The following EPB41L1 variants were observed in gnomAD, a reference collection of about 807,000 sequenced individuals.
The protein encoded by EPB41L1 is band 4.1-like protein 1.
A neutral mutation model predicts 97.8 loss-of-function variants in EPB41L1; 29 were observed. The ratio of observed to expected loss-of-function variants is 0.30; its 90% CI spans 0.22 to 0.40. The LOEUF is 0.40. Among genes scored for constraint, EPB41L1 ranks in the 10% least tolerant of loss-of-function variants. The pLI, the probability that EPB41L1 is intolerant of heterozygous loss-of-function variation, is 1.00. For missense variants in EPB41L1, 812 were observed against 1,162.3 expected (o/e 0.70, Z 4.38); for synonymous variants, 383 against 459.2 (o/e 0.83, Z 2.12).
intron 2 of EPB41L1, among the ~76,000 whole-genome samples, chr20:36,127,052 C>A (rs1217405632): frequency 1.3e-5 from 2 of 152,208 alleles, no homozygotes; most frequent in Non-Finnish European, 2.9e-5. Flanking sequence ...CTAGTGGCAG[C>A]GGGAGGGCCC....
At chr20:36,160,405 G>A (rs957515579) in intron 1 of EPB41L1, among the ~76,000 whole-genome samples, 1 of 152,082 alleles carries the variant, frequency 6.6e-6, no homozygotes, top group African/African-American at 2.4e-5. Context: ...CCAACATGGT[G>A]AAACCCCATT....
chr20:36,182,444 T>C (rs1356653299), intron 6 of EPB41L1, 97 bp downstream of exon 6: 2 of 1,363,230 alleles, frequency 1.5e-6, no homozygotes, highest in Non-Finnish European at 2.1e-6. Flanking sequence ...TGACAGCAGC[T>C]GCAAATGCAG....
At chr20:36,098,895 C>A (rs1445006609) in intron 1 of EPB41L1, among the ~76,000 whole-genome samples, 1 of 152,068 alleles carries the variant, frequency 6.6e-6, no homozygotes, top group Non-Finnish European at 1.5e-5. Context: ...CCGAGGTGGG[C>A]AGATCATCTG....
intron 1 of EPB41L1, among the ~76,000 whole-genome samples, chr20:36,098,274 T>C (rs918254751): frequency 6.6e-6 from 1 of 152,080 alleles, no homozygotes; most frequent in Non-Finnish European, 1.5e-5. Context: ...AAAACAGAGT[T>C]TGAGGGTCCT....
chr20:36,188,259 C>T (rs1220663281), intron 8 of EPB41L1, 88 bp from the exon 9 acceptor site: 7 of 1,568,826 alleles, frequency 4.5e-6, no homozygotes, highest in African/African-American at 4.0e-5. Flanking sequence ...TTACAAGCAG[C>T]GCACAGGGCA....
At chr20:36,168,519 G>A (rs981505316) in intron 1 of EPB41L1, among the ~76,000 whole-genome samples, 9 of 150,600 alleles carry the variant, frequency 6.0e-5, no homozygotes, top group African/African-American at 2.2e-4. Context: ...TTTATTGGGT[G>A]TATACCATGT....
chr20:36,150,070 G>T (rs867996284), upstream of EPB41L1, among the ~76,000 whole-genome samples: 168 of 141,550 alleles, frequency 1.2e-3, no homozygotes, highest in African/African-American at 2.7e-3. Context: ...AGGTTTTTTT[G>T]TTTTTTTTTT....
At chr20:36,218,145 G>C (rs1335384936) in intron 17 of EPB41L1, among the ~76,000 whole-genome samples, 1 of 152,184 alleles carries the variant, frequency 6.6e-6, no homozygotes, top group Non-Finnish European at 1.5e-5. Flanking sequence ...GTTGGACTTG[G>C]AGTCAGACAA....
chr20:36,163,987 G>A (rs1740307930), intron 1 of EPB41L1, among the ~76,000 whole-genome samples: 1 of 152,156 alleles, frequency 6.6e-6, no homozygotes. Context: ...GGGACTACAG[G>A]CGCCTGCCAC....
intron 1 of EPB41L1, among the ~76,000 whole-genome samples, chr20:36,168,042 C>A (rs1266206020): frequency 6.6e-6 from 1 of 152,204 alleles, no homozygotes; most frequent in Non-Finnish European, 1.5e-5. Flanking sequence ...GGTTTCACTG[C>A]CAGGCTGAGT....
chr20:36,105,955 G>C (rs942544235), intron 1 of EPB41L1, among the ~76,000 whole-genome samples: 1 of 152,156 alleles, frequency 6.6e-6, no homozygotes, highest in African/African-American at 2.4e-5. Context: ...CTCCCCAGGG[G>C]GCAGGCTGCC....
rs1195366601 is a variant in EPB41L1, at chr20:36,206,065, C to T, written c.1669-3423C>T. The T allele has an allele frequency of 2.3e-6, 3 of 1,289,758 alleles. No individual in the cohort carries two copies. The highest frequency in any genetic ancestry group is 2.0e-6 in the Non-Finnish European group (2 of 988,892). The allele number at this position is 1,289,758 out of a possible 1,614,324, so 79.9% of individuals were successfully genotyped here. The stretch of plus-strand genomic sequence containing the variant: ...GGGAAACAGAAGAGCAAACACCCAG[C>T]AACAAGGAAAAATGATTGCAAGTCC... On this transcript the variant is annotated intron_variant, in intron 14 of 21. Coordinates refer to ENST00000338074, the MANE Select transcript of EPB41L1 (RefSeq NM_012156.2). The surrounding 1 kb of genome is among the most constrained non-coding windows in gnomAD (Gnocchi z 5.5).
intron 2 of EPB41L1, among the ~76,000 whole-genome samples, chr20:36,130,977 T>C (rs1384784112): frequency 7.0e-6 from 1 of 143,376 alleles, no homozygotes; most frequent in African/African-American, 2.6e-5. Flanking sequence ...CCCGGCTAAT[T>C]TTTTTTTTTT....
intron 2 of EPB41L1, among the ~76,000 whole-genome samples, chr20:36,117,424 C>A (rs1370191924): frequency 7.3e-6 from 1 of 137,924 alleles, no homozygotes; most frequent in African/African-American, 3.6e-5. Flanking sequence ...CAGAAGAATT[C>A]TTTCATAATT....
At chr20:36,179,982 G>A (rs1437211378) in intron 5 of EPB41L1, among the ~76,000 whole-genome samples, 1 of 152,222 alleles carries the variant, frequency 6.6e-6, no homozygotes, top group Non-Finnish European at 1.5e-5. Context: ...GCAGCCGAGT[G>A]TGTGGTGTTT....
chr20:36,098,905 G>C (rs1569003862), intron 1 of EPB41L1, among the ~76,000 whole-genome samples: 1 of 152,154 alleles, frequency 6.6e-6, no homozygotes, highest in African/African-American at 2.4e-5. Flanking sequence ...CAGATCATCT[G>C]ATCAGATTTG....
chr20:36,165,747 C>A (rs768293265), intron 1 of EPB41L1, among the ~76,000 whole-genome samples: 1 of 152,160 alleles, frequency 6.6e-6, no homozygotes, highest in Non-Finnish European at 1.5e-5. Context: ...CTGATCAGAT[C>A]GGAAGTGGAA....
chr20:36,103,660 A>G (rs569248783), intron 1 of EPB41L1, among the ~76,000 whole-genome samples: 1 of 148,888 alleles, frequency 6.7e-6, no homozygotes, highest in African/African-American at 2.5e-5. Flanking sequence ...ATTATGAGTT[A>G]TTATTTTTTG....
intron 2 of EPB41L1, among the ~76,000 whole-genome samples, chr20:36,133,432 C>T (rs1174699949): frequency 6.6e-6 from 1 of 152,232 alleles, no homozygotes; most frequent in Non-Finnish European, 1.5e-5. Flanking sequence ...GATCTGTTGT[C>T]TGTGATACAG....
Sources: gnomAD v4.1 joint callset for allele counts (sites outside exome capture counted in the v4.1 genomes callset) on GRCh38, gnomAD v4.1.1 for gene constraint, Gnocchi (gnomAD v3.1) non-coding constraint, MANE v1.5 for transcripts, NCBI Gene and HGNC (gene_info 2026-07-23, HGNC 2026-07-21) for gene names.